The following DHTKD1 variants were observed in gnomAD, a reference collection of about 807,000 sequenced individuals.
DHTKD1 encodes dehydrogenase E1 and transketolase domain containing 1, also known as 2-oxoadipate dehydrogenase complex component E1.
Under a neutral mutation model 101.8 loss-of-function variants are expected in DHTKD1, and 78 were observed. The ratio of observed to expected loss-of-function variants is 0.77; its 90% CI spans 0.64 to 0.93. DHTKD1 has a LOEUF of 0.93. DHTKD1 is among the 40% of genes least tolerant of loss of function. DHTKD1 has a pLI of 0.00. For missense variants in DHTKD1, 1,223 were observed against 1,161.7 expected (o/e 1.05, Z -0.77); for synonymous variants, 462 against 450.3 (o/e 1.03, Z -0.33).
At position 12,087,278 on chromosome 10, in the gene DHTKD1, T is replaced by C. The variant is rs540896923; in HGVS notation, c.523-257T>C. ...GGATTCCAGTCCAGAAGAACACACA[T>C]TCTAAGGGGGTTTCCTTGGGGTGAG... On this transcript the variant is annotated intron_variant, in intron 3 of 16. Transcript: ENST00000263035. This position sits in a 1 kb window ranked among gnomAD's most constrained non-coding sequence, Gnocchi z 5.2. Among the ~76,000 whole-genome samples, 1 of 152,196 alleles carries C rather than the reference T, an allele frequency of 6.6e-6. No homozygotes were observed. The highest frequency in any genetic ancestry group is 6.6e-5 in the Admixed American group (1 of 15,256).
chr10:12,077,235 T>G (rs1305066169), intron 1 of DHTKD1, among the ~76,000 whole-genome samples: 1 of 151,286 alleles, frequency 6.6e-6, no homozygotes, highest in Non-Finnish European at 1.5e-5. Flanking sequence ...GTTTTTTGTT[T>G]TTTTTTTTTG....
chr10:12,121,156 GT>G lies in DHTKD1; in HGVS notation c.*270del, dbSNP rs1833520966. On this transcript the variant is annotated 3_prime_UTR_variant, in exon 17 of 17. Transcript: ENST00000263035. Reference sequence around the variant, plus strand: ...AATCGCTTGAATCTGGGAGGCGGAGGTTGCAGTGAGCCAGGATCACACCATT... The same window carrying G: ...AATCGCTTGAATCTGGGAGGCGGAGGTGCAGTGAGCCAGGATCACACCATT... 1 of 347,952 alleles carries G rather than the reference GT, an allele frequency of 2.9e-6. No individual in the cohort carries two copies. The highest frequency in any genetic ancestry group is 4.1e-5 in the Admixed American group (1 of 24,480). 21.6% of individuals were successfully genotyped at this position (347,952 alleles called of 1,614,324 possible). A position where few individuals can be genotyped will look rare whatever the true frequency, so the allele number is the denominator to read the frequency against.
At chr10:12,089,780 C>T (rs1291506862) in intron 5 of DHTKD1, among the ~76,000 whole-genome samples, 1 of 151,978 alleles carries the variant, frequency 6.6e-6, no homozygotes, top group Non-Finnish European at 1.5e-5. Flanking sequence ...AAGTGATTCT[C>T]CTGCCTCAGC....
rs746080416 is a variant in DHTKD1, at chr10:12,084,608, T to A, written c.379T>A (p.Cys127Ser). ...EVLVYLNQIY[C>S]GQISIETSQL... Reference sequence around the variant, plus strand: ...GTTAGTCTATCTCAATCAAATCTACTGTGGGCAGATTTCTATTGAAACCTC... The same window carrying A: ...GTTAGTCTATCTCAATCAAATCTACAGTGGGCAGATTTCTATTGAAACCTC... Residue 127 changes from cysteine (C) to serine (S), a missense_variant, in exon 3 of 17, where the codon TGT (cysteine) becomes AGT (serine). By Grantham distance (112) the Cys-to-Ser change is moderately radical. Transcript: ENST00000263035. 2 of 1,613,474 alleles carry A rather than the reference T, an allele frequency of 1.2e-6. No homozygotes were observed. Among genetic ancestry groups the A allele is most frequent in the Admixed American group, 3.3e-5 (2 of 60,018 alleles).
chr10:12,079,950 T>C (rs1425893323), intron 1 of DHTKD1, among the ~76,000 whole-genome samples: 1 of 152,162 alleles, frequency 6.6e-6, no homozygotes, highest in Non-Finnish European at 1.5e-5. Context: ...GTTCAATACC[T>C]CTCTGTTCTT....
intron 12 of DHTKD1, among the ~76,000 whole-genome samples, chr10:12,112,619 T>A (rs780116465): frequency 1.8e-4 from 27 of 152,118 alleles, no homozygotes; most frequent in East Asian, 5.8e-4. Context: ...GTATTTTTTT[T>A]AAAAAAGTCC....
intron 13 of DHTKD1, among the ~76,000 whole-genome samples, chr10:12,114,563 T>C (rs887871569): frequency 2.0e-5 from 3 of 152,222 alleles, no homozygotes; most frequent in African/African-American, 7.2e-5. Flanking sequence ...CCCGAAGTGC[T>C]GGGATTACAG....
chr10:12,102,437 A>G (rs904887806), intron 10 of DHTKD1, among the ~76,000 whole-genome samples: 7 of 151,704 alleles, frequency 4.6e-5, no homozygotes, highest in South Asian at 2.1e-4. Flanking sequence ...AAAAAAAAAA[A>G]AAAAGAAAAT....
chr10:12,073,846 T>C (rs904282589), intron 1 of DHTKD1, among the ~76,000 whole-genome samples: 3 of 152,214 alleles, frequency 2.0e-5, no homozygotes, highest in African/African-American at 7.2e-5. Flanking sequence ...GAAAAGCTTT[T>C]ATCATGAAGC....
intron 13 of DHTKD1, among the ~76,000 whole-genome samples, chr10:12,114,083 C>A (rs922304711): frequency 6.7e-6 from 1 of 148,888 alleles, no homozygotes; most frequent in Non-Finnish European, 1.5e-5. Context: ...GTTGCCCAGG[C>A]TAGAGTGCAG....
chr10:12,077,267 A>G (rs1832748423), intron 1 of DHTKD1, among the ~76,000 whole-genome samples: 1 of 150,214 alleles, frequency 6.7e-6, no homozygotes, highest in Non-Finnish European at 1.5e-5. Context: ...CATGCTTGTC[A>G]CCCAGGCTGG....
At chr10:12,078,084 C>T (rs575150909) in intron 1 of DHTKD1, among the ~76,000 whole-genome samples, 3 of 152,074 alleles carry the variant, frequency 2.0e-5, no homozygotes, top group Admixed American at 2.0e-4. Flanking sequence ...ACTTCTGTGT[C>T]AGTATTCTAG....
intron 1 of DHTKD1, among the ~76,000 whole-genome samples, chr10:12,070,194 CA>C (rs1564385545): frequency 6.6e-6 from 1 of 152,142 alleles, no homozygotes; most frequent in Non-Finnish European, 1.5e-5. Flanking sequence ...TCATGAATAT[CA>C]GCTTTTGGAA....
intron 5 of DHTKD1, among the ~76,000 whole-genome samples, chr10:12,090,408 T>C (rs202089124): frequency 0.036 from 574 of 15,870 alleles, 4 homozygotes; most frequent in Middle Eastern, 0.1. Flanking sequence ...TTCCTTCCTT[T>C]TTTCCTTCCT....
intron 9 of DHTKD1, among the ~76,000 whole-genome samples, chr10:12,100,687 A>G (rs1211716154): frequency 2.6e-5 from 4 of 152,164 alleles, no homozygotes; most frequent in Non-Finnish European, 5.9e-5. Flanking sequence ...GAGGTTCTAA[A>G]GCATGTTAAT....
At chr10:12,081,690 GTTC>G (rs1243745880) in intron 2 of DHTKD1, 63 bp downstream of exon 2, 2 of 1,588,902 alleles carry the variant, frequency 1.3e-6, no homozygotes, top group Non-Finnish European at 1.7e-6. Flanking sequence ...TCCTGCCTCT[GTTC>G]TTGAAGAAGC....
chr10:12,079,891 A>G (rs931053145), intron 1 of DHTKD1, among the ~76,000 whole-genome samples: 1 of 152,186 alleles, frequency 6.6e-6, no homozygotes, highest in African/African-American at 2.4e-5. Flanking sequence ...TATTTGAGCT[A>G]TTATGGATCC....
At position 12,122,620 on chromosome 10, in the gene DHTKD1, A is replaced by T. The variant is rs969406867; in HGVS notation, c.*1732A>T. ...GTGACAGAGCAAGACTCCATCTCAA[A>T]AAATAAATAAATAGAAAGAGAGAGA... On this transcript the variant is annotated 3_prime_UTR_variant, in exon 17 of 17. Coordinates refer to ENST00000263035, the MANE Select transcript of DHTKD1 (RefSeq NM_018706.7). The T allele has an allele frequency of 2.0e-5, 3 of 152,170 alleles. No individual in the cohort carries two copies. Among genetic ancestry groups the T allele is most frequent in the African/African-American group, 7.2e-5 (3 of 41,436 alleles). The allele number at this position is 152,170 out of a possible 1,614,324, so 9.4% of individuals were successfully genotyped here.
chr10:12,077,087 C>CAT (rs934938463), intron 1 of DHTKD1, among the ~76,000 whole-genome samples: 1 of 148,684 alleles, frequency 6.7e-6, no homozygotes, highest in African/African-American at 2.5e-5. Context: ...TATATGTGTG[C>CAT]ATATATATAA....
Sources: allele counts gnomAD v4.1 joint callset (sites outside exome capture counted in the v4.1 genomes callset), GRCh38; gene constraint gnomAD v4.1.1; non-coding constraint Gnocchi (gnomAD v3.1); transcripts MANE v1.5; gene names NCBI Gene and HGNC (gene_info 2026-07-23, HGNC 2026-07-21).